Variants in SYT7 observed in about 807,000 individuals in gnomAD.
SYT7 encodes the protein synaptotagmin-7.
In SYT7, 29 loss-of-function variants were observed where a neutral mutation model predicts 75.1. That is an observed-to-expected ratio of 0.39 (90% CI 0.29 to 0.53). The LOEUF is 0.53. Among genes scored for constraint, SYT7 ranks in the 20% least tolerant of loss-of-function variants. The pLI is 0.77. For synonymous variants in SYT7, 376 were observed against 401.7 expected (o/e 0.94, Z 0.76); for missense variants, 693 against 953.2 (o/e 0.73, Z 3.59).
chr11:61,515,420 G>A lies in SYT7; in HGVS notation c.*3207C>T, dbSNP rs577665645. On this transcript the variant is annotated 3_prime_UTR_variant, in exon 13 of 13. Coordinates refer to ENST00000539008, the MANE Select transcript of SYT7 (RefSeq NM_001365809.2). ...AAGAGGAAATCTTGCTGGCTTAGAG[G>A]GTATGTGTGGTGGAAAAATTTTGTA... The A allele has an allele frequency of 2.6e-5, 4 of 151,746 alleles. No homozygotes were observed. The highest frequency in any genetic ancestry group is 2.6e-4 in the Admixed American group (4 of 15,242). The allele number at this position is 151,746 out of a possible 1,614,324, so 9.4% of individuals were successfully genotyped here.
At chr11:61,587,557 C>T in the SYT7 span, among the ~76,000 whole-genome samples, 1 of 152,274 alleles carries the variant, frequency 6.6e-6, no homozygotes, top group Admixed American at 6.5e-5. Context: ...CCACCCCAGC[C>T]AGCACCACTC....
At chr11:61,575,840 C>T (rs770808581) in intron 1 of SYT7, among the ~76,000 whole-genome samples, 72 of 152,214 alleles carry the variant, frequency 4.7e-4, no homozygotes, top group African/African-American at 1.4e-3. Context: ...AGCTGCCACC[C>T]GCACACACAC....
At chr11:61,571,529 C>CT (rs1412847011) in intron 1 of SYT7, among the ~76,000 whole-genome samples, 2 of 152,372 alleles carry the variant, frequency 1.3e-5, no homozygotes, top group South Asian at 2.1e-4. Flanking sequence ...CACACCCCTT[C>CT]TCCTCTGCTT....
chr11:61,531,802 G>A (rs931706193), intron 8 of SYT7, among the ~76,000 whole-genome samples: 4 of 149,618 alleles, frequency 2.7e-5, no homozygotes, highest in African/African-American at 1.0e-4. Context: ...GCTGAGGGAG[G>A]AGAATCACTT....
chr11:61,528,346 G>C (rs1258425873), intron 8 of SYT7, among the ~76,000 whole-genome samples, 161 bp from the exon 9 acceptor site: 1 of 152,174 alleles, frequency 6.6e-6, no homozygotes, highest in Admixed American at 6.5e-5. Flanking sequence ...CTTGACCAGG[G>C]TCTCCCAGGA....
At chr11:61,575,920 A>G (rs1317755968) in intron 1 of SYT7, among the ~76,000 whole-genome samples, 1 of 152,112 alleles carries the variant, frequency 6.6e-6, no homozygotes, top group African/African-American at 2.4e-5. Context: ...GCTCAATCAC[A>G]TGAAGATACC....
chr11:61,516,838 G>C lies in SYT7; in HGVS notation c.*1789C>G, dbSNP rs1467688759. ...ATGTATGATGTTCCTCCAGATCCCAGGGAGAGGAAATGGTGGGGGTGTGCG... is the reference window on the plus strand; with the variant it reads ...ATGTATGATGTTCCTCCAGATCCCACGGAGAGGAAATGGTGGGGGTGTGCG... On this transcript the variant is annotated 3_prime_UTR_variant, in exon 13 of 13. Coordinates refer to ENST00000539008, the MANE Select transcript of SYT7 (RefSeq NM_001365809.2). This position sits in a 1 kb window ranked among gnomAD's most constrained non-coding sequence, Gnocchi z 4.6. 1 of 166,652 alleles carries C rather than the reference G, an allele frequency of 6.0e-6. No homozygotes were observed. Among genetic ancestry groups the C allele is most frequent in the Admixed American group, 6.4e-5 (1 of 15,652 alleles). 10.3% of individuals were successfully genotyped at this position (166,652 alleles called of 1,614,324 possible).
chr11:61,543,370 C>G (rs1347783860), intron 5 of SYT7, among the ~76,000 whole-genome samples: 1 of 152,206 alleles, frequency 6.6e-6, no homozygotes, highest in Non-Finnish European at 1.5e-5. Context: ...TAACAGAGAA[C>G]AGGGTGACTG....
intron 9 of SYT7, among the ~76,000 whole-genome samples, 149 bp downstream of exon 9, chr11:61,527,758 CATAAGTGT>C (rs1565169049): frequency 6.6e-6 from 1 of 152,200 alleles, no homozygotes; most frequent in African/African-American, 2.4e-5. Flanking sequence ...CAGGTGTGCA[CATAAGTGT>C]ATCTGCTTGC....
intron 7 of SYT7, among the ~76,000 whole-genome samples, chr11:61,536,273 C>T (rs2062868064): frequency 6.6e-6 from 1 of 152,158 alleles, no homozygotes; most frequent in Non-Finnish European, 1.5e-5. Flanking sequence ...GTGTGTTAAA[C>T]ATGGAGTGAG....
Position 61,527,931 on chromosome 11 carries a change from C to T in SYT7, c.1455G>A (p.Glu485=). 1 of 1,614,120 alleles carries T rather than the reference C, an allele frequency of 6.2e-7. No homozygotes were observed. Among genetic ancestry groups the T allele is most frequent in the Non-Finnish European group, 8.5e-7 (1 of 1,180,010 alleles). The change falls in exon 9 of 13, where the codon GAG becomes GAA. Residue 485 remains glutamate (E), a synonymous_variant. Coordinates refer to ENST00000539008, the MANE Select transcript of SYT7 (RefSeq NM_001365809.2). ...TAGACTCACCTTCAAAGAGGAAGGT[C>T]TCGTTCCAGTGGGGGTTCAGGTTCT... ...KRKNLNPHWN[E]TFLFEGFPYE... is the part of the protein sequence containing the mutation.
intron 1 of SYT7, among the ~76,000 whole-genome samples, chr11:61,558,181 G>C (rs2063544505): frequency 6.6e-6 from 1 of 152,216 alleles, no homozygotes; most frequent in Non-Finnish European, 1.5e-5. Flanking sequence ...TTATGAGTGG[G>C]CATGGTGGCT....
Position 61,540,897 on chromosome 11 carries a change from G to A in SYT7, c.941+1314C>T, listed in dbSNP as rs939879296. ...CCTGGAAGACCGGAGGCTCTTCTGG[G>A]CATCTCATCTTGTGCAGGCGTCCAG... On this transcript the variant is annotated intron_variant, in intron 6 of 12. Transcript: ENST00000539008. 6.1e-6 allele frequency: 6 copies of A among 985,350 alleles called. No individual in the cohort carries two copies. The African/African-American group carries it at 8.7e-5, about 14-fold the overall frequency. The allele number at this position is 985,350 out of a possible 1,614,324, so 61.0% of individuals were successfully genotyped here. A position where few individuals can be genotyped will look rare whatever the true frequency, so the allele number is the denominator to read the frequency against.
At chr11:61,565,374 AAC>A (rs951106133) in intron 1 of SYT7, among the ~76,000 whole-genome samples, 2 of 152,114 alleles carry the variant, frequency 1.3e-5, no homozygotes, top group African/African-American at 4.8e-5. Flanking sequence ...CTCAACCCAA[AAC>A]ACACAAGAAA....
At chr11:61,535,802 C>A (rs2062852947) in intron 7 of SYT7, among the ~76,000 whole-genome samples, 1 of 152,174 alleles carries the variant, frequency 6.6e-6, no homozygotes, top group Admixed American at 6.5e-5. Flanking sequence ...AGGGCCACCA[C>A]CCCTTCCTCC....
At chr11:61,544,886 C>A (rs12277749) in intron 5 of SYT7, among the ~76,000 whole-genome samples, 4,679 of 152,224 alleles carry the variant, frequency 0.031, 262 homozygotes, top group African/African-American at 0.11. Context: ...GATCTTGGTA[C>A]GGTGGCCTTC....
At chr11:61,562,506 A>C (rs1037257250) in intron 1 of SYT7, among the ~76,000 whole-genome samples, 2 of 152,240 alleles carry the variant, frequency 1.3e-5, no homozygotes, top group Admixed American at 1.3e-4. Context: ...AGCTATTATC[A>C]TAGCATTATC....
intron 12 of SYT7, among the ~76,000 whole-genome samples, chr11:61,520,625 C>T (rs932034652): frequency 6.6e-6 from 1 of 152,032 alleles, no homozygotes; most frequent in Admixed American, 6.5e-5. Context: ...AGGAGTTCAA[C>T]CAGCCTGGCC....
At position 61,517,909 on chromosome 11, in the gene SYT7, T is replaced by C; in HGVS notation, c.*718A>G. 1 of 247,090 alleles carries C rather than the reference T, an allele frequency of 4.0e-6. No individual in the cohort carries two copies. The highest frequency in any genetic ancestry group is 7.6e-5 in the East Asian group (1 of 13,196). 15.3% of individuals were successfully genotyped at this position (247,090 alleles called of 1,614,324 possible). ...AGCCCAGCTCCAGCAACTGCAGCTC[T>C]TCTGTTTCTGACCTCTGCCTCACCC... On this transcript the variant is annotated 3_prime_UTR_variant, in exon 13 of 13. Coordinates refer to ENST00000539008, the MANE Select transcript of SYT7 (RefSeq NM_001365809.2).
Sources: gnomAD v4.1 joint callset for allele counts (sites outside exome capture counted in the v4.1 genomes callset) on GRCh38, gnomAD v4.1.1 for gene constraint, Gnocchi (gnomAD v3.1) non-coding constraint, MANE v1.5 for transcripts, NCBI Gene and HGNC (gene_info 2026-07-23, HGNC 2026-07-21) for gene names.